DLG1: variants seen among roughly 807,000 people sequenced by gnomAD.
DLG1 encodes discs large MAGUK scaffold protein 1, also known as disks large homolog 1.
Under a neutral mutation model 123.4 loss-of-function variants are expected in DLG1, and 42 were observed. That is an observed-to-expected ratio of 0.34 (90% CI 0.27 to 0.44). The LOEUF (loss-of-function observed/expected upper bound fraction) is 0.44. Among genes scored for constraint, DLG1 ranks in the 20% least tolerant of loss-of-function variants. DLG1 has a pLI of 1.00. For synonymous variants in DLG1, 317 were observed against 356.2 expected (o/e 0.89, Z 1.24); for missense variants, 942 against 1,082.6 (o/e 0.87, Z 1.82).
chr3:197,234,580 T>C (rs1744967875), intron 4 of DLG1, among the ~76,000 whole-genome samples: 1 of 152,142 alleles, frequency 6.6e-6, no homozygotes, highest in Non-Finnish European at 1.5e-5. Flanking sequence ...TGTAATAACA[T>C]GAAAAACTAA....
At chr3:197,054,918 C>T (rs1253762954) in intron 23 of DLG1, among the ~76,000 whole-genome samples, 2 of 151,960 alleles carry the variant, frequency 1.3e-5, no homozygotes, top group Non-Finnish European at 1.5e-5. Flanking sequence ...TGGGTTCAAG[C>T]GATTCTCGTG....
At chr3:197,134,146 A>AT (rs1783981765) in intron 10 of DLG1, among the ~76,000 whole-genome samples, 1 of 152,078 alleles carries the variant, frequency 6.6e-6, no homozygotes, top group Admixed American at 6.5e-5. Context: ...GGTACTGGTT[A>AT]TAGTTTGAGG....
chr3:197,242,335 A>G (rs1252059519), intron 4 of DLG1, among the ~76,000 whole-genome samples: 2 of 152,150 alleles, frequency 1.3e-5, no homozygotes, highest in African/African-American at 4.8e-5. Context: ...CAATACAATA[A>G]TAGTAGGAGA....
At chr3:197,296,569 A>G in intron 2 of DLG1, 92 bp from the exon 3 acceptor site, 1 of 1,186,354 alleles carries the variant, frequency 8.4e-7, no homozygotes, top group Non-Finnish European at 1.2e-6. Context: ...ACATCTAAAT[A>G]GTTCCGCAAA....
chr3:197,081,136 T>C lies in DLG1; in HGVS notation c.1839-19A>G. 6.2e-7 allele frequency: 1 copy of C among 1,605,106 alleles called. No individual in the cohort carries two copies. Among genetic ancestry groups the C allele is most frequent in the Admixed American group, 1.7e-5 (1 of 58,642 alleles). On this transcript the variant is annotated intron_variant, in intron 16 of 24. Transcript: ENST00000667157. The stretch of plus-strand genomic sequence containing the variant: ...CTCAACTCTGTCAAAGTATAGAATG[T>C]TATTTTTTAAGTAAACCAAACATAT...
intron 4 of DLG1, among the ~76,000 whole-genome samples, chr3:197,244,139 T>C (rs1039837855): frequency 1.3e-5 from 2 of 152,166 alleles, no homozygotes; most frequent in African/African-American, 4.8e-5. Flanking sequence ...AATGCCAAGT[T>C]TTCCCCGTGT....
chr3:197,250,719 G>A (rs1295190675), intron 4 of DLG1, among the ~76,000 whole-genome samples: 1 of 151,942 alleles, frequency 6.6e-6, no homozygotes, highest in African/African-American at 2.4e-5. Flanking sequence ...ACTAACTAAA[G>A]AAAATGAACT....
intron 4 of DLG1, among the ~76,000 whole-genome samples, chr3:197,225,702 A>G (rs1739512256): frequency 6.6e-6 from 1 of 152,258 alleles, no homozygotes; most frequent in Admixed American, 6.5e-5. Context: ...AACTGTGCAC[A>G]GACCAATTCT....
At chr3:197,281,499 A>G (rs1280177817) in intron 4 of DLG1, among the ~76,000 whole-genome samples, 2 of 152,238 alleles carry the variant, frequency 1.3e-5, no homozygotes, top group Admixed American at 6.5e-5. Context: ...GACTGAAGAC[A>G]TTTTAAAAAT....
upstream of DLG1, chr3:197,298,695 G>A (rs1778623607): frequency 2.5e-6 from 1 of 397,598 alleles, no homozygotes; most frequent in Non-Finnish European, 4.4e-6. Context: ...CTGGGAGAGG[G>A]AGAGGGAGGA....
At chr3:197,136,741 G>T in intron 9 of DLG1, 63 bp from the exon 10 acceptor site, 8 of 1,408,908 alleles carry the variant, frequency 5.7e-6, no homozygotes, top group Non-Finnish European at 7.7e-6. Flanking sequence ...GAAAGAAATG[G>T]TTGAAAACTA....
At chr3:197,189,764 G>C (rs1718260201) in intron 5 of DLG1, among the ~76,000 whole-genome samples, 1 of 152,220 alleles carries the variant, frequency 6.6e-6, no homozygotes, top group Admixed American at 6.5e-5. Context: ...ACTCAGGAAA[G>C]CATGCTGGTA....
intron 5 of DLG1, among the ~76,000 whole-genome samples, chr3:197,158,526 C>T (rs912689697): frequency 1.4e-4 from 21 of 147,948 alleles, no homozygotes; most frequent in Admixed American, 8.8e-4. Context: ...CCCAGCTACT[C>T]GGGAGGCTGA....
chr3:197,075,435 C>T lies in DLG1; in HGVS notation c.2005+1151G>A, dbSNP rs558061196. Among the ~76,000 whole-genome samples the T allele has an allele frequency of 2.2e-3, 323 of 149,196 alleles. 2 individuals carry two copies. Among genetic ancestry groups the T allele is most frequent in the Non-Finnish European group, 3.6e-3 (243 of 67,462 alleles). ...TAGTAATGCTTTTCTAACACATAAT[C>T]AAAATTATTTTAAATTATTTTAACA... is the stretch of plus-strand genomic sequence containing the variant. On this transcript the variant is annotated intron_variant, in intron 18 of 24. Coordinates refer to ENST00000667157, the MANE Select transcript of DLG1 (RefSeq NM_001366207.1).
chr3:197,114,504 TGAAA>T (rs1248048768), intron 13 of DLG1, among the ~76,000 whole-genome samples: 59 of 152,172 alleles, frequency 3.9e-4, no homozygotes, highest in African/African-American at 1.4e-3. Context: ...ACTTTTAAAG[TGAAA>T]TAAAATAAAG....
intron 4 of DLG1, among the ~76,000 whole-genome samples, chr3:197,262,044 G>A (rs369074747): frequency 5.9e-5 from 9 of 152,184 alleles, no homozygotes; most frequent in African/African-American, 1.9e-4. Flanking sequence ...AAAACTCTTG[G>A]AAATTCCTAA....
In DLG1 at chr3:197,069,236, T is replaced by C. The variant is rs770401999; in HGVS notation, c.2030A>G (p.Asp677Gly). Residue 677 changes from aspartate (D) to glycine (G), a missense_variant, in exon 19 of 25, where the codon GAT becomes GGT. Asp to Gly is a moderately conservative substitution (Grantham distance 94). Transcript: ENST00000667157. ...ACACTTACGGTAACTACTTTCACTA[T>C]CGCTGGCATTAGAAGTTACATGCTC... ...ADQHVTSNAS[D>G]SESSYRGQEE... 1.9e-6 allele frequency: 3 copies of C among 1,591,218 alleles called. No homozygotes were observed. The highest frequency in any genetic ancestry group is 1.7e-6 in the Non-Finnish European group (2 of 1,168,366).
chr3:197,181,660 A>G (rs971117142), intron 5 of DLG1, among the ~76,000 whole-genome samples: 7 of 152,222 alleles, frequency 4.6e-5, no homozygotes, highest in African/African-American at 1.7e-4. Context: ...CCAATGTATC[A>G]GTTACAAAAA....
intron 19 of DLG1, chr3:197,068,356 C>T (rs1039066716): frequency 1.7e-6 from 1 of 604,646 alleles, no homozygotes; most frequent in East Asian, 3.0e-5. Context: ...TAATAAAATG[C>T]TGAAATACAG....
Sources: gnomAD v4.1 joint callset for allele counts (sites outside exome capture counted in the v4.1 genomes callset) on GRCh38, gnomAD v4.1.1 for gene constraint, MANE v1.5 for transcripts, NCBI Gene and HGNC (gene_info 2026-07-23, HGNC 2026-07-21) for gene names.